GSTA3: variants seen among roughly 807,000 people sequenced by gnomAD.
The protein encoded by GSTA3 is glutathione S-transferase alpha 3.
A neutral mutation model predicts 23.1 loss-of-function variants in GSTA3; 16 were observed. The ratio of observed to expected loss-of-function variants is 0.69; its 90% CI spans 0.47 to 1.05. GSTA3 has a LOEUF of 1.05. Ranked by LOEUF, GSTA3 falls within the 50% of genes least tolerant of loss-of-function variation. The pLI, the probability that GSTA3 is intolerant of heterozygous loss-of-function variation, is 0.00. For synonymous variants in GSTA3, 122 were observed against 91.0 expected (o/e 1.34, Z -1.94); for missense variants, 319 against 263.6 (o/e 1.21, Z -1.46).
At chr6:52,903,595 A>C (rs992447195) in intron 3 of GSTA3, 81 bp downstream of exon 3, 2 of 140,636 alleles carry the variant, frequency 1.4e-5, no homozygotes, top group East Asian at 1.6e-4. Context: ...AGACTCCGTC[A>C]AAAAAAAAAA....
At chr6:52,897,750 G>A in intron 6 of GSTA3, 75 bp downstream of exon 6, 2 of 1,558,780 alleles carry the variant, frequency 1.3e-6, no homozygotes, top group Admixed American at 3.3e-5. Flanking sequence ...AACATGGCCA[G>A]TCCAAGGGCC....
Position 52,900,260 on chromosome 6 carries a change from T to G in GSTA3, c.273-185A>C, listed in dbSNP as rs1050402073. 5.4e-4 allele frequency among the ~76,000 whole-genome samples: 80 copies of G among 148,010 alleles called. 2 individuals carry two copies. Among genetic ancestry groups the G allele is most frequent in the African/African-American group, 2.0e-3 (76 of 38,246 alleles). ...TGTTGACGTTTCCTTCTTTCTTTCT[T>G]TTTCTTTTTTTTTTTTTTTTGAGAT... On this transcript the variant is annotated intron_variant, in intron 4 of 6. Coordinates refer to ENST00000211122, the MANE Select transcript of GSTA3 (RefSeq NM_000847.5).
At chr6:52,900,152 A>G (rs2127356421) in intron 4 of GSTA3, 77 bp from the exon 5 acceptor site, 2 of 1,275,766 alleles carry the variant, frequency 1.6e-6, no homozygotes, top group Non-Finnish European at 2.2e-6. Context: ...CTAAGAGAAT[A>G]GAGGGTCAGA....
chr6:52,903,721 C>G lies in GSTA3; in HGVS notation c.94G>C (p.Glu32Gln). The G allele has an allele frequency of 6.3e-7, 1 of 1,588,166 alleles. No homozygotes were observed. Among genetic ancestry groups the G allele is most frequent in the Non-Finnish European group, 8.6e-7 (1 of 1,157,042 alleles). The stretch of plus-strand genomic sequence containing the variant: ...TCTTCTGCAGATCCTATAAATTTCT[C>G]TTCAAACTGGAAGCAGAAACAGTAA... ...LLAAAGVEFE[E>Q]KFIGSAEDLG... is the part of the protein sequence containing the mutation. The change falls in exon 3 of 7, where the codon GAG (glutamate) becomes CAG (glutamine). Residue 32 changes from glutamate (E) to glutamine (Q), a missense_variant. By Grantham distance (29) the Glu-to-Gln change is conservative (BLOSUM62 2). Coordinates refer to ENST00000211122, the MANE Select transcript of GSTA3 (RefSeq NM_000847.5).
At chr6:52,903,912 G>A (rs749781347) in intron 2 of GSTA3, among the ~76,000 whole-genome samples, 185 bp from the exon 3 acceptor site, 2 of 152,142 alleles carry the variant, frequency 1.3e-5, no homozygotes, top group Non-Finnish European at 2.9e-5. Context: ...CAAGAAACAG[G>A]CATGGGTCAG....
At chr6:52,907,366 C>T (rs1188789149) in intron 1 of GSTA3, among the ~76,000 whole-genome samples, 1 of 139,218 alleles carries the variant, frequency 7.2e-6, no homozygotes, top group Non-Finnish European at 1.5e-5. Flanking sequence ...CACTTTTACA[C>T]TGTTGGTGGG....
intron 4 of GSTA3, among the ~76,000 whole-genome samples, chr6:52,900,961 C>T (rs1460629483): frequency 1.3e-5 from 2 of 152,168 alleles, no homozygotes; most frequent in South Asian, 2.1e-4. Flanking sequence ...TGCTATTGCC[C>T]AACTCTAGCC....
chr6:52,903,123 G>C (rs1765751091), intron 3 of GSTA3, among the ~76,000 whole-genome samples: 1 of 152,098 alleles, frequency 6.6e-6, no homozygotes, highest in African/African-American at 2.4e-5. Context: ...GCATTCTCAG[G>C]GCACTGGGGA....
At position 52,901,981 on chromosome 6, in the gene GSTA3, A is replaced by G. The variant is rs530153426; in HGVS notation, c.272+365T>C. Among the ~76,000 whole-genome samples the G allele has an allele frequency of 2.6e-5, 4 of 152,228 alleles. No individual in the cohort carries two copies. The South Asian group carries it at 8.3e-4, about 32-fold the overall frequency. On this transcript the variant is annotated intron_variant, in intron 4 of 6. Transcript: ENST00000211122. ...GTCTTCCCTCCCCAGGCCTTCATCTACAGACTCTCAAACATTCTATGCCTG... is the reference window on the plus strand; with the variant it reads ...GTCTTCCCTCCCCAGGCCTTCATCTGCAGACTCTCAAACATTCTATGCCTG...
intron 1 of GSTA3, among the ~76,000 whole-genome samples, chr6:52,906,327 G>A (rs1765888493): frequency 6.6e-6 from 1 of 152,158 alleles, no homozygotes; most frequent in Non-Finnish European, 1.5e-5. Context: ...TAGTGTCAAA[G>A]TCTGGATTAG....
intron 1 of GSTA3, among the ~76,000 whole-genome samples, chr6:52,909,144 A>AT (rs1307724305): frequency 6.6e-6 from 1 of 152,198 alleles, no homozygotes; most frequent in Non-Finnish European, 1.5e-5. Flanking sequence ...AGCATTGGTG[A>AT]TTGGTTTCCC....
chr6:52,903,617 T>G, intron 3 of GSTA3, 59 bp downstream of exon 3: 1 of 898,966 alleles, frequency 1.1e-6, no homozygotes, highest in Non-Finnish European at 1.8e-6. Flanking sequence ...AAATCAATCT[T>G]CAGCGGTACC....
At chr6:52,907,522 A>G (rs1459753273) in intron 1 of GSTA3, among the ~76,000 whole-genome samples, 12 of 150,982 alleles carry the variant, frequency 7.9e-5, no homozygotes, top group Non-Finnish European at 1.6e-4. Flanking sequence ...ACACATGCAC[A>G]CGTATGTTTA....
chr6:52,903,668 G>C lies in GSTA3; in HGVS notation c.139+8C>G, dbSNP rs770192331. 1.4e-5 allele frequency: 21 copies of C among 1,492,486 alleles called. No homozygotes were observed. The South Asian group carries it at 2.4e-4, about 17-fold the overall frequency. 92.5% of individuals were successfully genotyped at this position (1,492,486 alleles called of 1,614,324 possible). ...CCTCATCAGAGGCACTTAGAGACTTGATCTTACCATTTCTTAACTTTCCCA... is the reference window on the plus strand; with the variant it reads ...CCTCATCAGAGGCACTTAGAGACTTCATCTTACCATTTCTTAACTTTCCCA... On this transcript the variant is annotated splice_region_variant and intron_variant, in intron 3 of 6. Transcript: ENST00000211122.
chr6:52,899,030 C>T (rs765519768), intron 5 of GSTA3, among the ~76,000 whole-genome samples: 29 of 151,862 alleles, frequency 1.9e-4, no homozygotes, highest in Non-Finnish European at 2.5e-4. Context: ...AGAAGGTAAT[C>T]GGAATGAGTT....
At chr6:52,902,114 G>T (rs1184970530) in intron 4 of GSTA3, among the ~76,000 whole-genome samples, 1 of 152,154 alleles carries the variant, frequency 6.6e-6, no homozygotes, top group Non-Finnish European at 1.5e-5. Flanking sequence ...ACCTCTGTCA[G>T]GGTGCTGGAT....
intron 5 of GSTA3, among the ~76,000 whole-genome samples, chr6:52,898,554 T>G (rs1765545728): frequency 6.6e-6 from 1 of 152,158 alleles, no homozygotes; most frequent in African/African-American, 2.4e-5. Context: ...TGCTGGAAAA[T>G]TATAACTTGG....
At position 52,897,925 on chromosome 6, in the gene GSTA3, AC is replaced by A; in HGVS notation, c.445del (p.Val149LeufsTer5). On this transcript the variant is annotated frameshift_variant, in exon 6 of 7. Transcript: ENST00000211122. LOFTEE classifies it high-confidence loss of function. ...VLQSHGQDYL[V>X]GNKLSRADIS... is the part of the protein sequence containing the mutation. ...GTCAGCCCGGCTCAGCTTGTTGCCA[AC>A]AAGGTAGTCTTGTCCATGGCTCTGT... The A allele has an allele frequency of 1.2e-6, 2 of 1,614,044 alleles. No individual in the cohort carries two copies. Among genetic ancestry groups the A allele is most frequent in the Non-Finnish European group, 8.5e-7 (1 of 1,179,940 alleles).
chr6:52,899,194 T>G (rs1265018899), intron 5 of GSTA3, among the ~76,000 whole-genome samples: 2 of 152,138 alleles, frequency 1.3e-5, no homozygotes, highest in Non-Finnish European at 2.9e-5. Context: ...GTGGAGTAGG[T>G]AATCGAAAAA....
Sources: gnomAD v4.1 joint callset for allele counts (sites outside exome capture counted in the v4.1 genomes callset) on GRCh38, gnomAD v4.1.1 for gene constraint, MANE v1.5 for transcripts, NCBI Gene and HGNC (gene_info 2026-07-23, HGNC 2026-07-21) for gene names.